Variants in VPS8 observed in about 807,000 individuals in gnomAD.
VPS8 encodes the protein VPS8 subunit of CORVET complex, also known as vacuolar protein sorting-associated protein 8 homolog.
A neutral mutation model predicts 216.4 loss-of-function variants in VPS8; 129 were observed. The observed-to-expected ratio is 0.60, with a 90% CI of 0.52 to 0.69. The LOEUF is 0.69. Among genes scored for constraint, VPS8 ranks in the 30% least tolerant of loss-of-function variants. VPS8 has a pLI of 0.00. For missense variants in VPS8, 1,531 were observed against 1,683.5 expected (o/e 0.91, Z 1.59); for synonymous variants, 571 against 565.4 (o/e 1.01, Z -0.14).
chr3:184,847,698 A>G (rs1723403635), intron 8 of VPS8, among the ~76,000 whole-genome samples: 3 of 152,302 alleles, frequency 2.0e-5, no homozygotes, highest in Middle Eastern at 3.4e-3. Context: ...CATTGTTTTC[A>G]AGTGGGTATA....
At chr3:184,980,970 T>C (rs1252621375) in intron 40 of VPS8, among the ~76,000 whole-genome samples, 2 of 152,208 alleles carry the variant, frequency 1.3e-5, no homozygotes, top group African/African-American at 2.4e-5. Context: ...TGCTGTACTT[T>C]GGATGGCATT....
At position 184,999,701 on chromosome 3, in the gene VPS8, G is replaced by A. The variant is rs1348494718; in HGVS notation, c.3842G>A (p.Gly1281Asp). The A allele has an allele frequency of 6.2e-7, 1 of 1,603,296 alleles. No individual in the cohort carries two copies. The highest frequency in any genetic ancestry group is 8.5e-7 in the Non-Finnish European group (1 of 1,176,890). ...MADEIIVFSC[G>D]HLYHSFCLQN... ...TGGTTGCCTTCGTTTTGCAGCTGTG[G>A]CCATTTGTATCACTCATTCTGCCTA... Residue 1281 changes from glycine to aspartate, a missense_variant, in exon 45 of 48, where the codon GGC (glycine) becomes GAC (aspartate). Physicochemically the swap from Gly to Asp is moderately conservative, Grantham distance 94. Coordinates refer to ENST00000625842, the MANE Select transcript of VPS8 (RefSeq NM_001009921.3).
chr3:184,875,087 G>A (rs528478611), intron 21 of VPS8, among the ~76,000 whole-genome samples: 186 of 142,834 alleles, frequency 1.3e-3, no homozygotes, highest in Non-Finnish European at 2.4e-3. Context: ...TGCTCAGTGG[G>A]AAGGTCTCAG....
intron 8 of VPS8, 144 bp from the exon 9 acceptor site, chr3:184,848,927 T>C: frequency 1.2e-6 from 1 of 835,132 alleles, no homozygotes; most frequent in Non-Finnish European, 1.8e-6. Context: ...AGTTGCTCAA[T>C]AAATATATTT....
intron 33 of VPS8, 66 bp downstream of exon 33, chr3:184,929,730 C>A: frequency 1.1e-6 from 1 of 945,808 alleles, no homozygotes; most frequent in South Asian, 2.0e-5. Context: ...GTACAAATAA[C>A]TGTTGAGTAG....
At chr3:184,925,799 A>C (rs1035565270) in intron 30 of VPS8, among the ~76,000 whole-genome samples, 1 of 138,076 alleles carries the variant, frequency 7.2e-6, no homozygotes, top group African/African-American at 2.9e-5. Flanking sequence ...TTTGAGACAG[A>C]GTCTGGCTCT....
At chr3:185,033,914 T>A (rs1194522495) in intron 46 of VPS8, among the ~76,000 whole-genome samples, 1 of 152,240 alleles carries the variant, frequency 6.6e-6, no homozygotes, top group East Asian at 1.9e-4. Context: ...ATGCTTATTT[T>A]CCATTTGTAT....
chr3:185,048,218 C>T (rs1713374752), intron 46 of VPS8, among the ~76,000 whole-genome samples: 2 of 152,204 alleles, frequency 1.3e-5, no homozygotes, highest in Non-Finnish European at 2.9e-5. Context: ...TGAAAGGAAC[C>T]TATACATACG....
In VPS8 at chr3:184,894,924, A is replaced by G. The variant is rs963943169; in HGVS notation, c.2003A>G (p.Gln668Arg). Reference protein sequence around the residue: ...HMDITSLDIQQVVLMCWENRL... With the variant: ...HMDITSLDIQRVVLMCWENRL... The stretch of plus-strand genomic sequence containing the variant: ...GATATCACCAGCCTAGATATTCAGC[A>G]GGTGAGTTTATAGACAGTCTACTAA... The change falls in exon 23 of 48, where the codon CAG becomes CGG. Residue 668 changes from glutamine (Q) to arginine (R), a missense_variant and splice_region_variant. Coordinates refer to ENST00000625842, the MANE Select transcript of VPS8 (RefSeq NM_001009921.3). The G allele has an allele frequency of 2.5e-6, 4 of 1,598,066 alleles. No individual in the cohort carries two copies. Among genetic ancestry groups the G allele is most frequent in the Non-Finnish European group, 3.4e-6 (4 of 1,171,756 alleles).
intron 37 of VPS8, among the ~76,000 whole-genome samples, chr3:184,959,001 TTACAAGAAATC>T (rs1746063854): frequency 6.6e-6 from 1 of 152,180 alleles, no homozygotes; most frequent in Non-Finnish European, 1.5e-5. Context: ...CTGCTGAAAC[TTACAAGAAATC>T]TCAGAGTAGA....
chr3:184,946,500 C>T lies in VPS8; in HGVS notation c.3035+6257C>T, dbSNP rs867955953. Among the ~76,000 whole-genome samples, 5 of 152,330 alleles carry T rather than the reference C, an allele frequency of 3.3e-5. No individual in the cohort carries two copies. In the East Asian group the frequency reaches 5.8e-4, roughly 18 times the overall value. On this transcript the variant is annotated intron_variant, in intron 36 of 47. Transcript: ENST00000625842. ...TCATAACCAGCCTGGCTTCCTTTTC[C>T]GTTTTTGAACAGGCAGATAATGATA...
At chr3:184,862,023 A>G (rs1240238830) in intron 15 of VPS8, among the ~76,000 whole-genome samples, 1 of 152,202 alleles carries the variant, frequency 6.6e-6, no homozygotes, top group Non-Finnish European at 1.5e-5. Flanking sequence ...AGTGGCTAAT[A>G]TACAGTAATA....
chr3:184,966,686 C>T lies in VPS8; in HGVS notation c.3289C>T (p.Leu1097Phe), dbSNP rs527847853. 217 of 1,593,996 alleles carry T rather than the reference C, an allele frequency of 1.4e-4. 3 individuals carry two copies. Among genetic ancestry groups the T allele is most frequent in the Middle Eastern group, 1.2e-3 (7 of 5,988 alleles). Residue 1097 changes from leucine (L) to phenylalanine (F), a missense_variant, in exon 39 of 48, where the codon CTT becomes TTT. This residue lies in a region of VPS8 where 1,318 missense variants were observed against 1,468.4 expected (regional missense o/e 0.90). Coordinates refer to ENST00000625842, the MANE Select transcript of VPS8 (RefSeq NM_001009921.3). ...TATCTCCTAGAGACTACAAAGCAAA[C>T]TTCAAGAGGTAACACATCAAGGTGA... ...LIMLERLQSK[L>F]QEVTHQGENT...
intron 2 of VPS8, 109 bp downstream of exon 2, chr3:184,824,894 G>T: frequency 4.0e-6 from 4 of 996,808 alleles, no homozygotes; most frequent in Non-Finnish European, 5.9e-6. Flanking sequence ...GTTAATAGGA[G>T]TCTGTGTATA....
chr3:184,947,533 G>A (rs1320121021), intron 36 of VPS8, among the ~76,000 whole-genome samples: 4 of 151,578 alleles, frequency 2.6e-5, no homozygotes, highest in East Asian at 1.9e-4. Flanking sequence ...ATTTCAGGAG[G>A]TGATGTTGTG....
intron 25 of VPS8, among the ~76,000 whole-genome samples, chr3:184,913,302 A>G (rs989252864): frequency 5.9e-5 from 9 of 152,206 alleles, no homozygotes; most frequent in Admixed American, 4.6e-4. Context: ...TATTCCTTCT[A>G]CATCTATCTT....
At chr3:184,983,787 CT>C (rs1750599622) in intron 42 of VPS8, among the ~76,000 whole-genome samples, 2 of 137,204 alleles carry the variant, frequency 1.5e-5, no homozygotes, top group Admixed American at 1.5e-4. Context: ...CCCCGCCCCC[CT>C]CCCACACACA....
rs1257498751 is a variant in VPS8 at position 184,867,914 on chromosome 3, A to C, written c.1471-110A>C. On this transcript the variant is annotated intron_variant, in intron 17 of 47. Transcript: ENST00000625842. ...AGATATACTTCTAACTGTAGTATGA[A>C]ATGTTTTACTTAAAGGGATATCAAA... is the stretch of plus-strand genomic sequence containing the variant. The C allele has an allele frequency of 1.0e-5, 11 of 1,084,788 alleles. No homozygotes were observed. In the East Asian group the frequency reaches 2.5e-4, roughly 24 times the overall value. 67.2% of individuals were successfully genotyped at this position (1,084,788 alleles called of 1,614,324 possible).
At chr3:185,025,431 T>C (rs911356391) in intron 46 of VPS8, among the ~76,000 whole-genome samples, 4 of 152,222 alleles carry the variant, frequency 2.6e-5, no homozygotes, top group African/African-American at 9.6e-5. Context: ...ACCTGCTGGC[T>C]CTGTTGACTA....
Sources: allele counts gnomAD v4.1 joint callset (sites outside exome capture counted in the v4.1 genomes callset), GRCh38; gene constraint gnomAD v4.1.1; regional missense constraint gnomAD v4.1.1; transcripts MANE v1.5; gene names NCBI Gene and HGNC (gene_info 2026-07-23, HGNC 2026-07-21).